PLXNA4: variants seen among roughly 807,000 people sequenced by gnomAD.
PLXNA4 encodes plexin A4, also known as plexin-A4.
Under a neutral mutation model 191.8 loss-of-function variants are expected in PLXNA4, and 44 were observed. The ratio of observed to expected loss-of-function variants is 0.23; its 90% confidence interval spans 0.18 to 0.29. The LOEUF (loss-of-function observed/expected upper bound fraction) is 0.29. PLXNA4 is among the 10% of genes least tolerant of loss of function. PLXNA4 has a pLI of 1.00. For missense variants in PLXNA4, 1,800 were observed against 2,488.8 expected, an observed-to-expected ratio of 0.72 and a Z score of 5.89; for synonymous variants, 1,082 against 1,009.5, an observed-to-expected ratio of 1.07 and a Z score of -1.36.
At chr7:132,534,279 G>T (rs1360549152) in intron 1 of PLXNA4, among the ~76,000 whole-genome samples, 1 of 152,132 alleles carries the variant, frequency 6.6e-6, no homozygotes, top group Non-Finnish European at 1.5e-5. Context: ...CCCTGACTCT[G>T]CTCCAAGTCT....
At chr7:132,165,881 A>G (rs767204800) in intron 22 of PLXNA4, among the ~76,000 whole-genome samples, 1 of 152,184 alleles carries the variant, frequency 6.6e-6, no homozygotes, top group African/African-American at 2.4e-5. Context: ...CCATATACCC[A>G]GCTCAGCCCA....
rs371872356 is a variant in PLXNA4, at chr7:132,137,828, C to T, written c.5438+2771G>A. Among the ~76,000 whole-genome samples the T allele has an allele frequency of 2.7e-4, 40 of 148,540 alleles. 1 individual carries two copies. Among genetic ancestry groups the T allele is most frequent in the Non-Finnish European group, 1.2e-4 (8 of 67,136 alleles). ...GTGGGAGGATGGATGGGAGGACAGGCGGGACGATGGGTTAGAGGATGGGTA... is the reference window on the plus strand; with the variant it reads ...GTGGGAGGATGGATGGGAGGACAGGTGGGACGATGGGTTAGAGGATGGGTA... On this transcript the variant is annotated intron_variant, in intron 30 of 31. Coordinates refer to ENST00000321063, the MANE Select transcript of PLXNA4 (RefSeq NM_020911.2).
At chr7:132,364,729 CT>C (rs1384704934) in intron 3 of PLXNA4, among the ~76,000 whole-genome samples, 3 of 152,202 alleles carry the variant, frequency 2.0e-5, no homozygotes, top group Non-Finnish European at 4.4e-5. Flanking sequence ...GTTCCTTTTT[CT>C]CACTATGTTC....
At chr7:132,250,839 C>A (rs964130895) in intron 4 of PLXNA4, among the ~76,000 whole-genome samples, 1 of 152,100 alleles carries the variant, frequency 6.6e-6, no homozygotes, top group Non-Finnish European at 1.5e-5. Flanking sequence ...ACATGGCTAC[C>A]AACACTCCTC....
Position 132,599,570 on chromosome 7 carries a change from A to G in PLXNA4, c.-87+46358T>C, listed in dbSNP as rs1329326341. 3.9e-5 allele frequency among the ~76,000 whole-genome samples: 6 copies of G among 152,324 alleles called. 1 individual carries two copies. The East Asian group carries it at 1.2e-3, about 29-fold the overall frequency. Reference sequence around the variant, plus strand: ...TTTGTTTTAGGTAGATCTGATACCCAGAAATCTTTCATTTATTCTAGTAGT... The same window carrying G: ...TTTGTTTTAGGTAGATCTGATACCCGGAAATCTTTCATTTATTCTAGTAGT... On this transcript the variant is annotated intron_variant, in intron 2 of 4. Coordinates refer to the PLXNA4 transcript ENST00000378539.
Position 132,130,520 on chromosome 7 carries a change from T to C in PLXNA4, c.5644A>G (p.Lys1882Glu). The stretch of plus-strand genomic sequence containing the variant: ...ATGAGGGTTATGACTTGTTCTAGTT[T>C]GTAGGCCAGTTTCTGCTTCCCACAC... ...DQCGKQKLAY[K>E]LEQVITLMSL... Residue 1882 changes from lysine to glutamate, a missense_variant, in exon 32 of 32, where the codon AAA becomes GAA. Physicochemically the swap from Lys to Glu is moderately conservative, Grantham distance 56. Transcript: ENST00000321063. 6.2e-7 allele frequency: 1 copy of C among 1,614,162 alleles called. No homozygotes were observed. The highest frequency in any genetic ancestry group is 8.5e-7 in the Non-Finnish European group (1 of 1,180,012).
intron 25 of PLXNA4, among the ~76,000 whole-genome samples, chr7:132,156,108 A>ATC (rs36128538): frequency 7.1e-6 from 1 of 141,028 alleles, no homozygotes; most frequent in Non-Finnish European, 1.5e-5. Context: ...TTTAAAATGA[A>ATC]TCTCTCTCTC....
intron 1 of PLXNA4, among the ~76,000 whole-genome samples, chr7:132,520,006 T>C (rs935071769): frequency 6.6e-6 from 1 of 152,090 alleles, no homozygotes; most frequent in African/African-American, 2.4e-5. Context: ...ATCATTGAGG[T>C]TGGGAAGTTT....
At chr7:132,175,094 A>G (rs1288431584) in intron 20 of PLXNA4, among the ~76,000 whole-genome samples, 174 bp from the exon 21 acceptor site, 1 of 152,210 alleles carries the variant, frequency 6.6e-6, no homozygotes, top group Non-Finnish European at 1.5e-5. Context: ...GGATGAATGA[A>G]TGGCATTAGC....
At chr7:132,304,146 T>C (rs1377764309) in intron 3 of PLXNA4, among the ~76,000 whole-genome samples, 4 of 152,122 alleles carry the variant, frequency 2.6e-5, no homozygotes, top group South Asian at 2.1e-4. Flanking sequence ...AGACGTAACA[T>C]ACTGAGAGAA....
intron 3 of PLXNA4, among the ~76,000 whole-genome samples, chr7:132,408,547 T>C (rs537598873): frequency 3.1e-4 from 47 of 152,128 alleles, no homozygotes; most frequent in Admixed American, 5.2e-4. Flanking sequence ...CACTGCAAAC[T>C]CTACCACCCG....
chr7:132,231,733 C>T (rs569298129), intron 5 of PLXNA4, among the ~76,000 whole-genome samples: 1 of 152,188 alleles, frequency 6.6e-6, no homozygotes, highest in Non-Finnish European at 1.5e-5. Flanking sequence ...CCCAGAACCA[C>T]ACATCTTCTC....
intron 3 of PLXNA4, among the ~76,000 whole-genome samples, chr7:132,376,323 G>C (rs1308640237): frequency 6.6e-6 from 1 of 152,180 alleles, no homozygotes; most frequent in East Asian, 1.9e-4. Flanking sequence ...ATACAGGGAA[G>C]GGAAGAAGAA....
At chr7:132,503,822 T>A (rs1466413715) in intron 2 of PLXNA4, among the ~76,000 whole-genome samples, 1 of 152,106 alleles carries the variant, frequency 6.6e-6, no homozygotes, top group Non-Finnish European at 1.5e-5. Context: ...GGACCCCCCC[T>A]CATACCCATG....
At chr7:132,289,669 A>C (rs189330141) in intron 4 of PLXNA4, among the ~76,000 whole-genome samples, 63 of 151,900 alleles carry the variant, frequency 4.1e-4, no homozygotes, top group African/African-American at 1.4e-3. Flanking sequence ...AGTAGCTGGG[A>C]CTACAGGTGC....
intron 4 of PLXNA4, among the ~76,000 whole-genome samples, chr7:132,245,841 C>A (rs1297905344): frequency 6.6e-6 from 1 of 152,200 alleles, no homozygotes; most frequent in Non-Finnish European, 1.5e-5. Flanking sequence ...CATAAAAGGA[C>A]AAATACTGCA....
chr7:132,611,290 G>T (rs184533817), intron 2 of PLXNA4, among the ~76,000 whole-genome samples: 1 of 152,306 alleles, frequency 6.6e-6, no homozygotes, highest in East Asian at 1.9e-4. Flanking sequence ...CTGCAAAGTT[G>T]CATTACTTAT....
At chr7:132,522,324 T>A (rs758422944) in intron 1 of PLXNA4, among the ~76,000 whole-genome samples, 24 of 152,222 alleles carry the variant, frequency 1.6e-4, no homozygotes, top group Non-Finnish European at 3.2e-4. Flanking sequence ...CACTCATGGC[T>A]CCAAACATAT....
chr7:132,306,553 C>T (rs563391263), intron 3 of PLXNA4, among the ~76,000 whole-genome samples: 1 of 152,144 alleles, frequency 6.6e-6, no homozygotes, highest in East Asian at 1.9e-4. Flanking sequence ...CTCAGTTGGA[C>T]CCACAGGTTC....
Sources: allele counts gnomAD v4.1 joint callset (sites outside exome capture counted in the v4.1 genomes callset), GRCh38; gene constraint gnomAD v4.1.1; transcripts MANE v1.5; gene names NCBI Gene and HGNC (gene_info 2026-07-23, HGNC 2026-07-21).